The following BTBD1 variants were observed in gnomAD, a reference collection of about 807,000 sequenced individuals.
BTBD1 encodes the protein BTB domain containing 1.
Under a neutral mutation model 48.0 loss-of-function variants are expected in BTBD1, and 34 were observed. That is an observed-to-expected ratio of 0.71 (90% confidence interval 0.54 to 0.94). BTBD1 has a LOEUF of 0.94. Among genes scored for constraint, BTBD1 ranks in the 40% least tolerant of loss-of-function variants. The probability of loss-of-function intolerance (pLI) is 0.00; values close to 1 mark genes in which losing one functional copy is unlikely to be tolerated. For synonymous variants in BTBD1, 261 were observed against 242.1 expected (o/e 1.08, Z -0.72); for missense variants, 543 against 625.6 (o/e 0.87, Z 1.41).
chr15:83,049,045 A>G (rs921453725), intron 3 of BTBD1, among the ~76,000 whole-genome samples: 1 of 152,254 alleles, frequency 6.6e-6, no homozygotes, highest in African/African-American at 2.4e-5. Flanking sequence ...GTCATTTATC[A>G]TCAAACATTT....
intron 3 of BTBD1, among the ~76,000 whole-genome samples, chr15:83,043,256 G>A (rs1052715495): frequency 2.0e-5 from 3 of 152,170 alleles, no homozygotes; most frequent in Non-Finnish European, 4.4e-5. Flanking sequence ...AGTATTCCAG[G>A]ACTAAAAGTA....
chr15:83,018,187 T>C lies in BTBD1; in HGVS notation c.1329A>G (p.Lys443=), dbSNP rs201425073. The part of the protein sequence containing the change: ...DSHYGTKGLK[K]VVHETPAASK... ...TTGCAGCAGGTGTCTCATGCACTAC[T>C]TTCTTCAATCCTTTTGTGCCATAGT... Residue 443 remains lysine (K), a synonymous_variant, in exon 8 of 8, where the codon AAA becomes AAG. Transcript: ENST00000261721. The C allele has an allele frequency of 6.2e-7, 1 of 1,609,222 alleles. No homozygotes were observed. The highest frequency in any genetic ancestry group is 1.7e-5 in the Admixed American group (1 of 59,278).
At chr15:83,029,860 C>G (rs1223505670) in intron 5 of BTBD1, 1 of 378,910 alleles carries the variant, frequency 2.6e-6, no homozygotes, top group Non-Finnish European at 4.8e-6. Flanking sequence ...CAGAGCGACT[C>G]CATCTTGGGG....
chr15:83,048,470 T>C (rs955976745), intron 3 of BTBD1, among the ~76,000 whole-genome samples: 1 of 152,194 alleles, frequency 6.6e-6, no homozygotes, highest in African/African-American at 2.4e-5. Flanking sequence ...GGATTAGATC[T>C]CTCTACTCTC....
chr15:83,033,138 T>C (rs565060765), intron 4 of BTBD1, among the ~76,000 whole-genome samples: 43 of 152,062 alleles, frequency 2.8e-4, no homozygotes, highest in South Asian at 6.3e-4. Context: ...GGTGGGAGGA[T>C]TGTTTGAGGC....
chr15:83,059,261 G>C (rs748955727), intron 1 of BTBD1, among the ~76,000 whole-genome samples: 2 of 152,126 alleles, frequency 1.3e-5, no homozygotes, highest in African/African-American at 2.4e-5. Context: ...TTAAAACAAA[G>C]TTGGCCGGGC....
chr15:83,026,811 T>A (rs1240426138), intron 5 of BTBD1, among the ~76,000 whole-genome samples: 1 of 152,166 alleles, frequency 6.6e-6, no homozygotes, highest in Non-Finnish European at 1.5e-5. Flanking sequence ...CATGAGCCAC[T>A]GTGCCCAGCC....
In BTBD1 at chr15:83,029,813, T is replaced by C. The variant is rs117243508; in HGVS notation, c.1055+323A>G. Reference sequence around the variant, plus strand: ...TGAACCCAGAAGGCGGAGGTTGCAGTGTGAGAGATCCCACCACTGCACTCC... The same window carrying C: ...TGAACCCAGAAGGCGGAGGTTGCAGCGTGAGAGATCCCACCACTGCACTCC... On this transcript the variant is annotated intron_variant, in intron 5 of 7. Coordinates refer to ENST00000261721, the MANE Select transcript of BTBD1 (RefSeq NM_025238.4). 1,150 of 259,542 alleles carry C rather than the reference T, an allele frequency of 4.4e-3. 7 individuals carry two copies. The highest frequency in any genetic ancestry group is 6.4e-3 in the Non-Finnish European group (869 of 136,146). The allele number at this position is 259,542 out of a possible 1,614,324, so 16.1% of individuals were successfully genotyped here.
In BTBD1 at chr15:83,030,199, C is replaced by T. The variant is rs890549280; in HGVS notation, c.992G>A (p.Cys331Tyr). 1 of 1,614,040 alleles carries T rather than the reference C, an allele frequency of 6.2e-7. No individual in the cohort carries two copies. The change falls in exon 5 of 8, where the codon TGC (cysteine) becomes TAC (tyrosine). Residue 331 changes from cysteine (C) to tyrosine (Y), a missense_variant. Transcript: ENST00000261721. ...PRCCLRGKEC[C>Y]INRFQQVESR... ...TTCTACTTGCTGGAATCTATTGATG[C>T]AGCATTCCTTTCCCCTGAGACAGCA...
At chr15:83,054,762 A>G (rs571138335) in intron 2 of BTBD1, among the ~76,000 whole-genome samples, 1 of 152,126 alleles carries the variant, frequency 6.6e-6, no homozygotes, top group African/African-American at 2.4e-5. Flanking sequence ...GGGTTTCACC[A>G]TGTTGGCCAG....
chr15:83,040,389 A>G (rs1053298276), intron 4 of BTBD1, among the ~76,000 whole-genome samples: 2 of 152,156 alleles, frequency 1.3e-5, no homozygotes, highest in African/African-American at 4.8e-5. Flanking sequence ...ATTTAAAATA[A>G]AAGTTGAAAT....
At chr15:83,062,249 T>C (rs959962877) in intron 1 of BTBD1, among the ~76,000 whole-genome samples, 9 of 152,168 alleles carry the variant, frequency 5.9e-5, no homozygotes, top group African/African-American at 2.2e-4. Context: ...GAGAGATCAC[T>C]GTTAACAGGA....
At chr15:83,044,618 T>C in intron 3 of BTBD1, 2 of 1,577,180 alleles carry the variant, frequency 1.3e-6, no homozygotes, top group Non-Finnish European at 8.7e-7. Context: ...AAACTCAGAC[T>C]GTGTGCAGCT....
chr15:83,035,765 G>T (rs1348096407), intron 4 of BTBD1, among the ~76,000 whole-genome samples: 1 of 151,794 alleles, frequency 6.6e-6, no homozygotes, highest in East Asian at 1.9e-4. Context: ...CTGTAATAGA[G>T]AAAATTAATA....
intron 4 of BTBD1, among the ~76,000 whole-genome samples, chr15:83,035,006 C>T (rs527749896): frequency 2.8e-4 from 43 of 152,148 alleles, no homozygotes; most frequent in Non-Finnish European, 5.4e-4. Context: ...TTACAACTAC[C>T]GTATGGGCCA....
rs1040259212 is a variant in BTBD1 at position 83,060,378 on chromosome 15, TACA to T, written c.402-3836_402-3834del. On this transcript the variant is annotated intron_variant, in intron 1 of 7. Coordinates refer to ENST00000261721, the MANE Select transcript of BTBD1 (RefSeq NM_025238.4). ...TAAAGTGATCATTTAAGCTCTCATA[TACA>T]ACCTCTAAGGACGAGAGCACAGAAA... 5.4e-4 allele frequency among the ~76,000 whole-genome samples: 81 copies of T among 149,542 alleles called. 1 individual carries two copies. Among genetic ancestry groups the T allele is most frequent in the African/African-American group, 1.9e-3 (77 of 40,548 alleles).
intron 2 of BTBD1, among the ~76,000 whole-genome samples, chr15:83,053,491 G>A (rs1045889194): frequency 3.9e-5 from 6 of 152,080 alleles, no homozygotes; most frequent in Admixed American, 3.3e-4. Flanking sequence ...TGTTAGAAAT[G>A]TACTCTGAGG....
At chr15:83,052,201 C>A (rs1251212532) in intron 2 of BTBD1, among the ~76,000 whole-genome samples, 6 of 152,128 alleles carry the variant, frequency 3.9e-5, no homozygotes, top group Admixed American at 3.9e-4. Context: ...AAGCGATCCA[C>A]CTGCCCAAAG....
intron 2 of BTBD1, among the ~76,000 whole-genome samples, chr15:83,051,032 A>T (rs866439661): frequency 6.7e-6 from 1 of 148,956 alleles, no homozygotes; most frequent in Admixed American, 6.7e-5. Flanking sequence ...CTCCCCCACA[A>T]AAAAAAAAAA....
Sources: gnomAD v4.1 joint callset for allele counts (sites outside exome capture counted in the v4.1 genomes callset) on GRCh38, gnomAD v4.1.1 for gene constraint, MANE v1.5 for transcripts, NCBI Gene and HGNC (gene_info 2026-07-23, HGNC 2026-07-21) for gene names.